TEX11: variants seen among roughly 807,000 people sequenced by gnomAD.
The protein encoded by TEX11 is testis expressed 11, also known as testis-expressed protein 11.
Under a neutral mutation model 84.4 loss-of-function variants are expected in TEX11, and 7 were observed. The ratio of observed to expected loss-of-function variants is 0.08; its 90% CI spans 0.05 to 0.16. The LOEUF (loss-of-function observed/expected upper bound fraction) is 0.16, where lower values mean the gene tolerates loss of function less well. TEX11 is among the 10% of genes least tolerant of loss of function. The probability of loss-of-function intolerance (pLI) is 1.00; values close to 1 mark genes in which losing one functional copy is unlikely to be tolerated. For missense variants in TEX11, 551 were observed against 660.5 expected (o/e 0.83, Z 1.82); for synonymous variants, 264 against 222.8 (o/e 1.18, Z -1.64).
intron 15 of TEX11, among the ~76,000 whole-genome samples, chrX:70,676,395 T>C (rs976147238): frequency 4.5e-5 from 5 of 112,276 alleles, no homozygotes; most frequent in African/African-American, 1.3e-4. Context: ...AGGTTTTAAT[T>C]TTCTTTCATT....
At chrX:70,772,162 A>G (rs2090975724) in intron 9 of TEX11, among the ~76,000 whole-genome samples, 1 of 112,063 alleles carries the variant, frequency 8.9e-6, no homozygotes, top group South Asian at 3.8e-4. Context: ...TGACCCACCC[A>G]GAATCACTAG....
intron 25 of TEX11, 52 bp downstream of exon 25, chrX:70,591,699 G>A (rs781602041): frequency 3.8e-5 from 37 of 983,362 alleles, no homozygotes; most frequent in South Asian, 1.7e-4. Context: ...TTGTTTATTC[G>A]ATTCTAAGCT....
At position 70,870,678 on chromosome X, in the gene TEX11, C is replaced by T. The variant is rs992540253; in HGVS notation, c.244+2545G>A. Among the ~76,000 whole-genome samples, 9 of 111,388 alleles carry T rather than the reference C, an allele frequency of 8.1e-5. No individual in the cohort carries two copies. In the Admixed American group the frequency reaches 8.6e-4, roughly 11 times the overall value. On this transcript the variant is annotated intron_variant, in intron 4 of 29. Coordinates refer to ENST00000374333, the MANE Select transcript of TEX11 (RefSeq NM_031276.3). ...TTGACTGTTCCTTTTGGTCATCTAT[C>T]CCTATTCTTTTTATTTTAACTTTGA...
rs761510149 is a variant in TEX11, at chrX:70,884,295, G to T, written c.38-4186C>A. Among the ~76,000 whole-genome samples, 10 of 111,950 alleles carry T rather than the reference G, an allele frequency of 8.9e-5. No homozygotes were observed. The South Asian group carries it at 3.4e-3, about 38-fold the overall frequency. On this transcript the variant is annotated intron_variant, in intron 2 of 29. Transcript: ENST00000374333. Reference sequence around the variant, plus strand: ...AGTAGTAAGCTAGGACTTGAATTCAGGCTTTCTGATTTGAAATCCTGTACT... The same window carrying T: ...AGTAGTAAGCTAGGACTTGAATTCATGCTTTCTGATTTGAAATCCTGTACT...
At position 70,539,038 on chromosome X, in the gene TEX11, A is replaced by ATATTTTT; in HGVS notation, c.2521-9040_2521-9039insAAAAATA. ...CTTGGAAATATATATATATATATATATTTTTTTTTTTTTTAAGATGGAGTC... is the reference window on the plus strand; with the variant it reads ...CTTGGAAATATATATATATATATATATATTTTTTTTTTTTTTTTTTTAAGATGGAGTC... On this transcript the variant is annotated intron_variant, in intron 28 of 29. Transcript: ENST00000374333. Among the ~76,000 whole-genome samples the ATATTTTT allele has an allele frequency of 2.0e-3, 82 of 41,246 alleles. 2 individuals carry two copies. The highest frequency in any genetic ancestry group is 7.2e-3 in the African/African-American group (78 of 10,890). The allele number at this position is 41,246 out of a possible 115,157, so 35.8% of individuals were successfully genotyped here.
At chrX:70,743,678 C>A (rs936406121) in intron 10 of TEX11, among the ~76,000 whole-genome samples, 2 of 110,764 alleles carry the variant, frequency 1.8e-5, no homozygotes, top group African/African-American at 6.6e-5. Context: ...GAGTTCCAGA[C>A]CAGCCTGGCC....
intron 13 of TEX11, among the ~76,000 whole-genome samples, chrX:70,707,816 A>G (rs2090389819): frequency 9.0e-6 from 1 of 110,697 alleles, no homozygotes; most frequent in Non-Finnish European, 1.9e-5. Context: ...TTTCTCCAGG[A>G]GCAACCAACC....
At chrX:70,677,083 C>G (rs1218240261) in intron 15 of TEX11, among the ~76,000 whole-genome samples, 1 of 112,217 alleles carries the variant, frequency 8.9e-6, no homozygotes, top group Non-Finnish European at 1.9e-5. Context: ...CATGCCTCTT[C>G]ACATGCTCAG....
At chrX:70,841,214 G>T (rs1475547598) in intron 7 of TEX11, among the ~76,000 whole-genome samples, 1 of 110,082 alleles carries the variant, frequency 9.1e-6, no homozygotes, top group Non-Finnish European at 1.9e-5. Context: ...TTCCAAAATT[G>T]ACCACATAGT....
intron 11 of TEX11, among the ~76,000 whole-genome samples, chrX:70,729,304 T>C (rs1603239134): frequency 8.9e-6 from 1 of 112,222 alleles, no homozygotes; most frequent in East Asian, 2.8e-4. Context: ...AGAACAAAGC[T>C]GGATGGAGAA....
intron 9 of TEX11, among the ~76,000 whole-genome samples, chrX:70,783,634 CA>C (rs1402881200): frequency 9.0e-6 from 1 of 111,452 alleles, no homozygotes; most frequent in Non-Finnish European, 1.9e-5. Flanking sequence ...TAAAAAATGA[CA>C]AAGGGGATAT....
intron 16 of TEX11, among the ~76,000 whole-genome samples, chrX:70,662,449 T>A: frequency 9.0e-6 from 1 of 111,620 alleles, no homozygotes; most frequent in Middle Eastern, 4.6e-3. Flanking sequence ...CTGCAGGATA[T>A]TATCCAGGAG....
At chrX:70,685,245 T>C (rs1476294568) in intron 13 of TEX11, among the ~76,000 whole-genome samples, 1 of 111,604 alleles carries the variant, frequency 9.0e-6, no homozygotes, top group Non-Finnish European at 1.9e-5. Context: ...ATGCCTGTAA[T>C]TCCAGCTATG....
chrX:70,572,547 C>A (rs987708318), intron 25 of TEX11, among the ~76,000 whole-genome samples: 4 of 110,806 alleles, frequency 3.6e-5, no homozygotes, highest in Non-Finnish European at 5.7e-5. Flanking sequence ...AAGACACATG[C>A]ACACGTATGT....
At position 70,542,539 on chromosome X, in the gene TEX11, C is replaced by T. The variant is rs180974574; in HGVS notation, c.2520+9587G>A. Among the ~76,000 whole-genome samples the T allele has an allele frequency of 8.0e-5, 9 of 111,875 alleles. No individual in the cohort carries two copies. In the East Asian group the frequency reaches 2.5e-3, roughly 32 times the overall value. On this transcript the variant is annotated intron_variant, in intron 28 of 29. Transcript: ENST00000374333. ...ACTTGACTTTTTGAATCTTAAAATT[C>T]CCTCATTGATAAATTAGGGATAACA...
At chrX:70,539,920 C>T (rs2088019494) in intron 28 of TEX11, among the ~76,000 whole-genome samples, 2 of 111,548 alleles carry the variant, frequency 1.8e-5, no homozygotes, top group African/African-American at 6.5e-5. Context: ...GAAAAGTCTG[C>T]TGTCTCTAGC....
intron 17 of TEX11, among the ~76,000 whole-genome samples, chrX:70,634,549 A>G (rs1026100425): frequency 7.2e-5 from 8 of 111,198 alleles, no homozygotes; most frequent in African/African-American, 2.3e-4. Flanking sequence ...ACAGTATGGG[A>G]ATAGCGTAAG....
chrX:70,707,798 T>C (rs1445559940), intron 13 of TEX11, among the ~76,000 whole-genome samples: 1 of 110,430 alleles, frequency 9.1e-6, no homozygotes, highest in African/African-American at 3.3e-5. Flanking sequence ...GTAAGGAAAA[T>C]TGAACTCTTT....
chrX:70,694,626 CT>C (rs1444606406), intron 13 of TEX11, among the ~76,000 whole-genome samples: 1 of 112,139 alleles, frequency 8.9e-6, no homozygotes, highest in Non-Finnish European at 1.9e-5. Context: ...GTTGTAACTA[CT>C]TTGGAAAAGC....
Sources: gnomAD v4.1 joint callset for allele counts (sites outside exome capture counted in the v4.1 genomes callset) on GRCh38, gnomAD v4.1.1 for gene constraint, MANE v1.5 for transcripts, NCBI Gene and HGNC (gene_info 2026-07-23, HGNC 2026-07-21) for gene names.